PTPRT: variants seen among roughly 807,000 people sequenced by gnomAD.
PTPRT encodes the protein receptor-type tyrosine-protein phosphatase T.
Under a neutral mutation model 176.8 loss-of-function variants are expected in PTPRT, and 56 were observed. That is an observed-to-expected ratio of 0.32 (90% CI 0.26 to 0.40). The LOEUF is 0.40. PTPRT is among the 10% of genes least tolerant of loss of function. The pLI, the probability that PTPRT is intolerant of heterozygous loss-of-function variation, is 1.00. For synonymous variants in PTPRT, 783 were observed against 739.0 expected (o/e 1.06, Z -0.96); for missense variants, 1,540 against 1,908.2 (o/e 0.81, Z 3.60).
At chr20:42,966,395 C>A (rs1221452599) in intron 1 of PTPRT, 1 of 152,128 alleles carries the variant, frequency 6.6e-6, no homozygotes, top group Admixed American at 6.5e-5. Flanking sequence ...ATCCCTCTTT[C>A]CTCTGTGTTC....
chr20:43,028,744 A>G (rs901212543), intron 1 of PTPRT, among the ~76,000 whole-genome samples: 1 of 152,216 alleles, frequency 6.6e-6, no homozygotes, highest in Non-Finnish European at 1.5e-5. Context: ...AGTGAATCAA[A>G]TCTGATCCAA....
chr20:43,077,728 C>G (rs2011316459), intron 1 of PTPRT, among the ~76,000 whole-genome samples: 1 of 152,138 alleles, frequency 6.6e-6, no homozygotes, highest in Admixed American at 6.5e-5. Flanking sequence ...CTGAAGGATC[C>G]CAACTCCCAG....
At chr20:42,277,854 T>G (rs2057067435) in intron 13 of PTPRT, among the ~76,000 whole-genome samples, 1 of 150,924 alleles carries the variant, frequency 6.6e-6, no homozygotes, top group South Asian at 2.1e-4. Flanking sequence ...AATGAAGCCA[T>G]GGAAGAATAA....
At chr20:42,222,433 G>C (rs2055907055) in intron 15 of PTPRT, among the ~76,000 whole-genome samples, 1 of 152,186 alleles carries the variant, frequency 6.6e-6, no homozygotes, top group Admixed American at 6.5e-5. Context: ...GGGCCCAGGG[G>C]AAGGCCTCAG....
chr20:42,281,097 C>T (rs912220822), intron 13 of PTPRT, among the ~76,000 whole-genome samples: 3 of 152,146 alleles, frequency 2.0e-5, no homozygotes, highest in South Asian at 2.1e-4. Context: ...GCTGCAGACA[C>T]CTAGCTCTCC....
At chr20:42,397,407 T>G (rs1224274175) in intron 9 of PTPRT, among the ~76,000 whole-genome samples, 2 of 152,304 alleles carry the variant, frequency 1.3e-5, no homozygotes, top group Non-Finnish European at 2.9e-5. Flanking sequence ...ACCCAGGTAG[T>G]GAGTGTAGTA....
At chr20:42,745,282 C>T (rs2076675478) in intron 6 of PTPRT, among the ~76,000 whole-genome samples, 1 of 152,220 alleles carries the variant, frequency 6.6e-6, no homozygotes, top group South Asian at 2.1e-4. Context: ...GAAGTATCTT[C>T]CCATCCAGTT....
At chr20:42,603,604 T>C (rs2073822064) in intron 7 of PTPRT, among the ~76,000 whole-genome samples, 1 of 152,178 alleles carries the variant, frequency 6.6e-6, no homozygotes, top group African/African-American at 2.4e-5. Context: ...AGGAAGCTCT[T>C]AGGGCATTTT....
intron 1 of PTPRT, among the ~76,000 whole-genome samples, chr20:43,111,377 A>G (rs1475785514): frequency 6.7e-6 from 1 of 148,342 alleles, no homozygotes; most frequent in Middle Eastern, 3.3e-3. Flanking sequence ...GTCTCTGCTA[A>G]AAAAAAAAAT....
At chr20:42,700,405 G>A (rs1009918751) in intron 6 of PTPRT, among the ~76,000 whole-genome samples, 1 of 150,908 alleles carries the variant, frequency 6.6e-6, no homozygotes, top group African/African-American at 2.4e-5. Flanking sequence ...ATCTGACATG[G>A]CTTAGGAAAC....
chr20:42,602,911 C>T (rs2073807750), intron 7 of PTPRT, among the ~76,000 whole-genome samples: 1 of 152,122 alleles, frequency 6.6e-6, no homozygotes, highest in South Asian at 2.1e-4. Flanking sequence ...TTCACAGTAC[C>T]TTGGCAAACA....
chr20:43,118,806 G>T (rs1238701440), intron 1 of PTPRT, among the ~76,000 whole-genome samples: 1 of 152,210 alleles, frequency 6.6e-6, no homozygotes, highest in Non-Finnish European at 1.5e-5. Flanking sequence ...AGATCACACA[G>T]CTAGTACATG....
chr20:43,056,586 G>A (rs577247739), intron 1 of PTPRT, among the ~76,000 whole-genome samples: 1 of 152,178 alleles, frequency 6.6e-6, no homozygotes, highest in Non-Finnish European at 1.5e-5. Flanking sequence ...TTTATTGCGT[G>A]AATCTATTAA....
At chr20:42,611,416 A>G (rs62203822) in intron 7 of PTPRT, among the ~76,000 whole-genome samples, 18,167 of 152,156 alleles carry the variant, frequency 0.12, 2,688 homozygotes, top group African/African-American at 0.35. Context: ...GAACGCTGCC[A>G]TAAGGGCAGG....
chr20:42,475,955 C>T (rs145791478), intron 7 of PTPRT, among the ~76,000 whole-genome samples: 8 of 152,230 alleles, frequency 5.3e-5, no homozygotes, highest in East Asian at 1.9e-4. Flanking sequence ...CGGCGGGCCC[C>T]GGGTACAGTG....
intron 7 of PTPRT, among the ~76,000 whole-genome samples, chr20:42,479,210 G>A (rs2071340196): frequency 6.6e-6 from 1 of 152,222 alleles, no homozygotes; most frequent in Admixed American, 6.5e-5. Context: ...AATTTGCTAC[G>A]TATTCATGTT....
intron 7 of PTPRT, chr20:42,607,505 T>C (rs1400191737): frequency 6.6e-6 from 1 of 152,184 alleles, no homozygotes; most frequent in Non-Finnish European, 1.5e-5. Context: ...TATTAATATG[T>C]CAGCCAAACC....
chr20:42,388,806 C>T (rs2058770018), intron 9 of PTPRT, among the ~76,000 whole-genome samples: 1 of 152,168 alleles, frequency 6.6e-6, no homozygotes, highest in Non-Finnish European at 1.5e-5. Flanking sequence ...AATCATGCTG[C>T]TATAAAGACG....
At chr20:42,292,597 T>C (rs371369983) in intron 12 of PTPRT, among the ~76,000 whole-genome samples, 2 of 152,306 alleles carry the variant, frequency 1.3e-5, no homozygotes, top group South Asian at 4.1e-4. Context: ...AAAGTAAACT[T>C]CAAGCAAGTG....
Sources: allele counts gnomAD v4.1 joint callset (sites outside exome capture counted in the v4.1 genomes callset), GRCh38; gene constraint gnomAD v4.1.1; transcripts MANE v1.5; gene names NCBI Gene and HGNC (gene_info 2026-07-23, HGNC 2026-07-21).